GUCY1A2: variants seen among roughly 807,000 people sequenced by gnomAD.
GUCY1A2 encodes guanylate cyclase 1 soluble subunit alpha 2.
Under a neutral mutation model 63.5 loss-of-function variants are expected in GUCY1A2, and 27 were observed. The observed-to-expected ratio is 0.43, with a 90% CI of 0.31 to 0.59. The LOEUF is 0.59. Ranked by LOEUF, GUCY1A2 falls within the 20% of genes least tolerant of loss-of-function variation. The pLI is 0.11. For missense variants in GUCY1A2, 768 were observed against 913.3 expected (o/e 0.84, Z 2.05); for synonymous variants, 364 against 343.5 (o/e 1.06, Z -0.66).
At chr11:106,774,099 A>G (rs1250533256) in intron 6 of GUCY1A2, among the ~76,000 whole-genome samples, 5 of 152,106 alleles carry the variant, frequency 3.3e-5, no homozygotes, top group Non-Finnish European at 4.4e-5. Flanking sequence ...CATTTATTGA[A>G]TGCCTTGTCC....
intron 4 of GUCY1A2, among the ~76,000 whole-genome samples, chr11:106,891,518 C>G (rs1859974387): frequency 6.6e-6 from 1 of 151,916 alleles, no homozygotes; most frequent in Non-Finnish European, 1.5e-5. Flanking sequence ...TTGCTTTTTT[C>G]AAGATCCTGA....
At chr11:106,785,352 AT>A (rs1285715835) in intron 5 of GUCY1A2, among the ~76,000 whole-genome samples, 1 of 151,944 alleles carries the variant, frequency 6.6e-6, no homozygotes, top group Non-Finnish European at 1.5e-5. Flanking sequence ...AGCCCTCAGG[AT>A]TTTCAACTTT....
chr11:106,931,808 TG>T (rs561649290), intron 4 of GUCY1A2, among the ~76,000 whole-genome samples: 103 of 152,260 alleles, frequency 6.8e-4, no homozygotes, highest in African/African-American at 1.9e-3. Flanking sequence ...AGTAGGCCAG[TG>T]GTTGGCTGCA....
At chr11:106,792,236 A>G (rs1218119400) in intron 5 of GUCY1A2, among the ~76,000 whole-genome samples, 1 of 152,108 alleles carries the variant, frequency 6.6e-6, no homozygotes, top group East Asian at 1.9e-4. Context: ...AAATACAAAA[A>G]TTAGCCAGGC....
intron 4 of GUCY1A2, among the ~76,000 whole-genome samples, chr11:106,847,959 C>T (rs1223673341): frequency 1.3e-5 from 2 of 151,424 alleles, no homozygotes. Flanking sequence ...AGAAAAGCAG[C>T]CACTGCAATA....
At chr11:106,735,960 T>C (rs1004670696) in intron 6 of GUCY1A2, among the ~76,000 whole-genome samples, 35 of 152,048 alleles carry the variant, frequency 2.3e-4, no homozygotes, top group African/African-American at 7.7e-4. Flanking sequence ...GATCTTTTAC[T>C]CATTTTTTAA....
At chr11:106,748,852 C>T (rs1863835661) in intron 6 of GUCY1A2, among the ~76,000 whole-genome samples, 1 of 151,020 alleles carries the variant, frequency 6.6e-6, no homozygotes, top group Non-Finnish European at 1.5e-5. Flanking sequence ...TTAAATAGAA[C>T]AGAATAACAC....
At chr11:106,762,266 A>T (rs191526094) in intron 6 of GUCY1A2, among the ~76,000 whole-genome samples, 1 of 152,250 alleles carries the variant, frequency 6.6e-6, no homozygotes, top group East Asian at 1.9e-4. Context: ...ACATGGCAAA[A>T]AGTTGCAAAT....
intron 4 of GUCY1A2, among the ~76,000 whole-genome samples, chr11:106,868,653 A>G (rs1859629456): frequency 6.6e-6 from 1 of 152,202 alleles, no homozygotes; most frequent in Non-Finnish European, 1.5e-5. Context: ...GATAGGAAGA[A>G]TCAATATCAT....
intron 5 of GUCY1A2, among the ~76,000 whole-genome samples, chr11:106,796,402 C>T (rs185804583): frequency 1.2e-4 from 19 of 152,270 alleles, no homozygotes; most frequent in Non-Finnish European, 1.8e-4. Flanking sequence ...TTCCTAGCAT[C>T]GATGGTCTTT....
chr11:106,824,083 C>A, intron 4 of GUCY1A2: 6 of 1,496,090 alleles, frequency 4.0e-6, no homozygotes, highest in Non-Finnish European at 5.5e-6. Context: ...GCTTATGCTA[C>A]CATTTCTTAT....
chr11:106,693,175 T>C lies in GUCY1A2; in HGVS notation c.1992-5419A>G, dbSNP rs548387010. Among the ~76,000 whole-genome samples the C allele has an allele frequency of 3.3e-5, 5 of 152,314 alleles. No homozygotes were observed. The East Asian group carries it at 9.6e-4, about 29-fold the overall frequency. ...AGGCAGTAGAATCTGATGCATCTTGTAGAGGGGTAGAAAAGATATGAGGAC... is the reference window on the plus strand; with the variant it reads ...AGGCAGTAGAATCTGATGCATCTTGCAGAGGGGTAGAAAAGATATGAGGAC... On this transcript the variant is annotated intron_variant, in intron 7 of 7. Coordinates refer to ENST00000526355, the MANE Select transcript of GUCY1A2 (RefSeq NM_000855.3).
At chr11:106,731,440 G>A (rs1485794102) in intron 6 of GUCY1A2, among the ~76,000 whole-genome samples, 2 of 152,066 alleles carry the variant, frequency 1.3e-5, no homozygotes, top group Non-Finnish European at 2.9e-5. Context: ...TACTGCATGG[G>A]CAAAAGCTGG....
chr11:106,849,674 G>A (rs1276974007), intron 4 of GUCY1A2, among the ~76,000 whole-genome samples: 1 of 151,292 alleles, frequency 6.6e-6, no homozygotes, highest in Non-Finnish European at 1.5e-5. Context: ...ATGTTCCAAA[G>A]GAAAAGGTAA....
chr11:106,845,343 T>C (rs1859256487), intron 4 of GUCY1A2, among the ~76,000 whole-genome samples: 1 of 151,584 alleles, frequency 6.6e-6, no homozygotes, highest in Admixed American at 6.6e-5. Context: ...CCTTACAGTA[T>C]TGCTCCCCCT....
rs1455389884 is a variant in GUCY1A2 at position 106,674,250 on chromosome 11, A to G, written c.*13299T>C. Reference sequence around the variant, plus strand: ...TGTAAATGCAAAGACATTTTACATCATGAAACATGCTATTTACATTGTGAA... The same window carrying G: ...TGTAAATGCAAAGACATTTTACATCGTGAAACATGCTATTTACATTGTGAA... On this transcript the variant is annotated 3_prime_UTR_variant, in exon 8 of 8. Transcript: ENST00000526355. 1 of 184,826 alleles carries G rather than the reference A, an allele frequency of 5.4e-6. No homozygotes were observed. Among genetic ancestry groups the G allele is most frequent in the Non-Finnish European group, 1.1e-5 (1 of 87,120 alleles). 11.4% of individuals were successfully genotyped at this position (184,826 alleles called of 1,614,324 possible). A position where few individuals can be genotyped will look rare whatever the true frequency, so the allele number is the denominator to read the frequency against.
rs1862309635 is a variant in GUCY1A2 at position 106,674,289 on chromosome 11, TAAC to T, written c.*13257_*13259del. 2 of 181,564 alleles carry T rather than the reference TAAC, an allele frequency of 1.1e-5. No individual in the cohort carries two copies. Among genetic ancestry groups the T allele is most frequent in the Non-Finnish European group, 2.4e-5 (2 of 85,006 alleles). The allele number at this position is 181,564 out of a possible 1,614,324, so 11.2% of individuals were successfully genotyped here. A position where few individuals can be genotyped will look rare whatever the true frequency, so the allele number is the denominator to read the frequency against. On this transcript the variant is annotated 3_prime_UTR_variant, in exon 8 of 8. Coordinates refer to ENST00000526355, the MANE Select transcript of GUCY1A2 (RefSeq NM_000855.3). Reference sequence around the variant, plus strand: ...TTACATTGTGAATGATTTCGAATAATAACAAATAAAAGAATGAGTAAAAAGTGG... The same window carrying T: ...TTACATTGTGAATGATTTCGAATAATAAATAAAAGAATGAGTAAAAAGTGG...
rs532378327 is a variant in GUCY1A2, at chr11:106,938,052, C to T, written c.1206+1408G>A. On this transcript the variant is annotated intron_variant, in intron 4 of 7. Transcript: ENST00000526355. ...TCCTGGGTTCAAGCGATTCTCCTGT[C>T]TCAGCCTCCTGAGTAGCTGGGATTA... 4.6e-4 allele frequency among the ~76,000 whole-genome samples: 70 copies of T among 152,080 alleles called. 1 individual carries two copies. The highest frequency in any genetic ancestry group is 7.5e-4 in the Non-Finnish European group (51 of 68,010).
rs143909145 is a variant in GUCY1A2, at chr11:106,713,496, C to CTTTTTTTTTTTTT, written c.1837-4843_1837-4831dup. ...AGCACACTGCAATATTAGTATGTTT[C>CTTTTTTTTTTTTT]TTTTTTTTTTTTTTTTTTTTTTTTT... On this transcript the variant is annotated intron_variant, in intron 6 of 7. Transcript: ENST00000526355. Among the ~76,000 whole-genome samples, 26 of 78,394 alleles carry CTTTTTTTTTTTTT rather than the reference C, an allele frequency of 3.3e-4. 3 individuals carry two copies. Among genetic ancestry groups the CTTTTTTTTTTTTT allele is most frequent in the African/African-American group, 1.4e-3 (26 of 18,010 alleles). 51.4% of individuals were successfully genotyped at this position (78,394 alleles called of 152,430 possible).
Sources: gnomAD v4.1 joint callset for allele counts (sites outside exome capture counted in the v4.1 genomes callset) on GRCh38, gnomAD v4.1.1 for gene constraint, MANE v1.5 for transcripts, NCBI Gene and HGNC (gene_info 2026-07-23, HGNC 2026-07-21) for gene names.